Variants in TYW3 observed in about 807,000 individuals in gnomAD.
The protein encoded by TYW3 is tRNA-yW synthesizing protein 3 homolog, also known as tRNA wybutosine-synthesizing protein 3 homolog.
Under a neutral mutation model 23.1 loss-of-function variants are expected in TYW3, and 26 were observed. The ratio of observed to expected loss-of-function variants is 1.13; its 90% CI spans 0.83 to 1.56. TYW3 has a LOEUF of 1.56. TYW3 is among the 40% of genes most tolerant of loss of function. The pLI is 0.00. For synonymous variants in TYW3, 102 were observed against 105.7 expected, an observed-to-expected ratio of 0.97 and a Z score of 0.21; for missense variants, 316 against 311.9, an observed-to-expected ratio of 1.01 and a Z score of -0.10.
intron 1 of TYW3, 47 bp downstream of exon 1, chr1:74,733,465 C>T (rs751719382): frequency 1.9e-6 from 3 of 1,605,128 alleles, no homozygotes; most frequent in African/African-American, 2.7e-5. Context: ...TAGTGCGAAA[C>T]TTCAGGAGCC....
intron 5 of TYW3, among the ~76,000 whole-genome samples, chr1:74,753,955 C>T (rs1013049372): frequency 4.6e-5 from 7 of 152,186 alleles, no homozygotes; most frequent in African/African-American, 1.7e-4. Flanking sequence ...TTTCCAGCCA[C>T]ACCCTGGTTG....
intron 3 of TYW3, among the ~76,000 whole-genome samples, chr1:74,743,974 G>A (rs1205459078): frequency 2.6e-5 from 4 of 152,128 alleles, no homozygotes; most frequent in African/African-American, 4.8e-5. Context: ...AAATCAGAGA[G>A]GGAGAAGGAG....
At position 74,763,999 on chromosome 1, in the gene TYW3, A is replaced by G. The variant is rs1206622988; in HGVS notation, c.666A>G (p.Arg222=). 5 of 1,611,190 alleles carry G rather than the reference A, an allele frequency of 3.1e-6. No homozygotes were observed. Among genetic ancestry groups the G allele is most frequent in the African/African-American group, 1.3e-5 (1 of 74,610 alleles). Residue 222 remains arginine (R), a synonymous_variant, in exon 6 of 6, where the codon AGA becomes AGG. Coordinates refer to ENST00000370867, the MANE Select transcript of TYW3 (RefSeq NM_138467.3). ...NNSSYIHKKK[R]NPEKTRAQCI... Reference sequence around the variant, plus strand: ...CATCATATATTCATAAGAAAAAAAGAAACCCAGAAAAAACACGTGCCCAGT... The same window carrying G: ...CATCATATATTCATAAGAAAAAAAGGAACCCAGAAAAAACACGTGCCCAGT...
chr1:74,746,905 C>T (rs773232564), intron 3 of TYW3, among the ~76,000 whole-genome samples: 6 of 152,120 alleles, frequency 3.9e-5, no homozygotes, highest in Non-Finnish European at 7.4e-5. Context: ...GACAAGAAAC[C>T]AGCCAGGAAA....
chr1:74,761,371 T>G (rs1325065111), intron 5 of TYW3, among the ~76,000 whole-genome samples: 2 of 152,100 alleles, frequency 1.3e-5, no homozygotes, highest in Non-Finnish European at 2.9e-5. Flanking sequence ...ATACATTCCT[T>G]TTTAATTACT....
chr1:74,746,800 C>G (rs958116579), intron 3 of TYW3, among the ~76,000 whole-genome samples: 24 of 152,148 alleles, frequency 1.6e-4, no homozygotes, highest in African/African-American at 5.3e-4. Flanking sequence ...GAGATTGCAC[C>G]ATTGCACTCC....
At chr1:74,757,316 A>G (rs1018181607) in intron 5 of TYW3, among the ~76,000 whole-genome samples, 12 of 152,176 alleles carry the variant, frequency 7.9e-5, no homozygotes, top group African/African-American at 1.7e-4. Flanking sequence ...CCAGCTTGTG[A>G]AGGTAGCCAG....
chr1:74,763,319 T>G (rs1362092908), intron 5 of TYW3, among the ~76,000 whole-genome samples: 1 of 152,080 alleles, frequency 6.6e-6, no homozygotes, highest in Non-Finnish European at 1.5e-5. Flanking sequence ...TTTGTTTGTA[T>G]CAGGGAAAAT....
chr1:74,747,768 T>C (rs1323407114), intron 3 of TYW3, among the ~76,000 whole-genome samples: 1 of 150,766 alleles, frequency 6.6e-6, no homozygotes, highest in Non-Finnish European at 1.5e-5. Flanking sequence ...TGTATGTGTA[T>C]ATGTGTGTAT....
intron 5 of TYW3, among the ~76,000 whole-genome samples, chr1:74,755,465 C>A (rs976088741): frequency 1.3e-5 from 2 of 152,170 alleles, no homozygotes; most frequent in Non-Finnish European, 2.9e-5. Context: ...TATTTTACTT[C>A]GTTAATGTAG....
At position 74,764,183 on chromosome 1, in the gene TYW3, A is replaced by G; in HGVS notation, c.*70A>G. 7.1e-7 allele frequency: 1 copy of G among 1,402,680 alleles called. No homozygotes were observed. Among genetic ancestry groups the G allele is most frequent in the Non-Finnish European group, 9.8e-7 (1 of 1,022,998 alleles). The allele number at this position is 1,402,680 out of a possible 1,614,324, so 86.9% of individuals were successfully genotyped here. On this transcript the variant is annotated 3_prime_UTR_variant, in exon 6 of 6. Coordinates refer to ENST00000370867, the MANE Select transcript of TYW3 (RefSeq NM_138467.3). ...TTATAAAGCTGCTCTTCATAAGAGT[A>G]TTTTAGTTTGTTGAGTGTATCAGCC...
At chr1:74,733,504 A>G (rs1647995095) in intron 1 of TYW3, 86 bp downstream of exon 1, 1 of 1,538,578 alleles carries the variant, frequency 6.5e-7, no homozygotes, top group East Asian at 2.3e-5. Context: ...GACCGGATCC[A>G]GCATGTCTGT....
chr1:74,761,501 C>T (rs1649135160), intron 5 of TYW3, among the ~76,000 whole-genome samples: 1 of 151,734 alleles, frequency 6.6e-6, no homozygotes, highest in African/African-American at 2.4e-5. Flanking sequence ...GAAAAAAACA[C>T]TCAGTTACCT....
rs141561217 is a variant in TYW3 at position 74,745,612 on chromosome 1, C to T, written c.355-3139C>T. 7.8e-3 allele frequency among the ~76,000 whole-genome samples: 1,195 copies of T among 152,302 alleles called. 22 individuals are homozygous for T. The highest frequency in any genetic ancestry group is 0.027 in the African/African-American group (1,117 of 41,550). On this transcript the variant is annotated intron_variant, in intron 3 of 5. Coordinates refer to ENST00000370867, the MANE Select transcript of TYW3 (RefSeq NM_138467.3). ...CAGAAAAGTTCTCCAAATCCCCACTCGACCCAGGAAGTCCAGCTGGCCTCA... is the reference window on the plus strand; with the variant it reads ...CAGAAAAGTTCTCCAAATCCCCACTTGACCCAGGAAGTCCAGCTGGCCTCA...
intron 3 of TYW3, among the ~76,000 whole-genome samples, chr1:74,743,899 G>A (rs1648450962): frequency 1.3e-5 from 2 of 152,192 alleles, no homozygotes; most frequent in African/African-American, 2.4e-5. Flanking sequence ...CCTGGAGCCT[G>A]TAGGACATCT....
At chr1:74,758,417 C>T (rs1025680651) in intron 5 of TYW3, among the ~76,000 whole-genome samples, 14 of 152,170 alleles carry the variant, frequency 9.2e-5, no homozygotes, top group African/African-American at 3.4e-4. Context: ...CATCATTTAC[C>T]AGCCATTTTC....
At chr1:74,752,217 A>T in intron 4 of TYW3, 75 bp from the exon 5 acceptor site, 4 of 1,459,572 alleles carry the variant, frequency 2.7e-6, no homozygotes, top group Non-Finnish European at 3.7e-6. Flanking sequence ...CACAGCCCTG[A>T]CGGGACTTTT....
In TYW3 at chr1:74,747,835, G is replaced by A. The variant is rs192974517; in HGVS notation, c.355-916G>A. Among the ~76,000 whole-genome samples the A allele has an allele frequency of 3.0e-4, 45 of 151,014 alleles. No individual in the cohort carries two copies. The East Asian group carries it at 7.6e-3, about 26-fold the overall frequency. ...CACACATATGTATATATATGGGTGC[G>A]TATATATGTGTATACACATATGTAT... On this transcript the variant is annotated intron_variant, in intron 3 of 5. Coordinates refer to ENST00000370867, the MANE Select transcript of TYW3 (RefSeq NM_138467.3).
chr1:74,754,196 TTTAA>T (rs1648877905), intron 5 of TYW3, among the ~76,000 whole-genome samples: 1 of 152,194 alleles, frequency 6.6e-6, no homozygotes, highest in Non-Finnish European at 1.5e-5. Flanking sequence ...TTTCTTGAAT[TTTAA>T]CAAGCTTATA....
Sources: gnomAD v4.1 joint callset for allele counts (sites outside exome capture counted in the v4.1 genomes callset) on GRCh38, gnomAD v4.1.1 for gene constraint, MANE v1.5 for transcripts, NCBI Gene and HGNC (gene_info 2026-07-23, HGNC 2026-07-21) for gene names.